The following ARHGAP28 variants were observed in gnomAD, a reference collection of about 807,000 sequenced individuals.
ARHGAP28 encodes rho GTPase-activating protein 28.
A neutral mutation model predicts 90.7 loss-of-function variants in ARHGAP28; 56 were observed. The observed-to-expected ratio is 0.62, with a 90% CI of 0.50 to 0.77. ARHGAP28 has a LOEUF of 0.77. Ranked by LOEUF, ARHGAP28 falls within the 30% of genes least tolerant of loss-of-function variation. The probability of loss-of-function intolerance (pLI) is 0.00; values close to 1 mark genes in which losing one functional copy is unlikely to be tolerated. For synonymous variants in ARHGAP28, 308 were observed against 323.3 expected, an observed-to-expected ratio of 0.95 and a Z score of 0.51; for missense variants, 869 against 900.9, an observed-to-expected ratio of 0.96 and a Z score of 0.45.
intron 1 of ARHGAP28, among the ~76,000 whole-genome samples, chr18:6,770,276 T>G (rs1435950432): frequency 1.3e-5 from 2 of 152,312 alleles, no homozygotes; most frequent in African/African-American, 4.8e-5. Context: ...CAAATAAGGA[T>G]AGAAATAGCA....
intron 4 of ARHGAP28, among the ~76,000 whole-genome samples, chr18:6,851,496 T>A (rs773553824): frequency 8.5e-5 from 13 of 152,202 alleles, no homozygotes; most frequent in Non-Finnish European, 1.3e-4. Flanking sequence ...ATGTAAAATG[T>A]TTTATCCACT....
At chr18:6,847,380 G>C (rs923722249) in intron 3 of ARHGAP28, among the ~76,000 whole-genome samples, 2 of 151,954 alleles carry the variant, frequency 1.3e-5, no homozygotes, top group African/African-American at 4.8e-5. Flanking sequence ...CCAAACTAGA[G>C]GAAAAATATA....
intron 1 of ARHGAP28, among the ~76,000 whole-genome samples, chr18:6,806,689 G>A (rs1007506630): frequency 2.6e-5 from 4 of 151,716 alleles, no homozygotes; most frequent in African/African-American, 9.7e-5. Flanking sequence ...ATTTAACCTT[G>A]AACTTACTGT....
intron 1 of ARHGAP28, among the ~76,000 whole-genome samples, chr18:6,802,551 G>T (rs1410674154): frequency 6.6e-6 from 1 of 151,670 alleles, no homozygotes; most frequent in Non-Finnish European, 1.5e-5. Context: ...TCACCACATT[G>T]GCCAGGCTGG....
intron 2 of ARHGAP28, among the ~76,000 whole-genome samples, chr18:6,835,649 C>T (rs2056747545): frequency 6.6e-6 from 1 of 152,068 alleles, no homozygotes. Flanking sequence ...TAGCATAGTT[C>T]CCAGAAACAT....
intron 4 of ARHGAP28, among the ~76,000 whole-genome samples, chr18:6,854,922 G>A (rs373473944): frequency 7.9e-5 from 12 of 152,336 alleles, no homozygotes; most frequent in South Asian, 2.1e-4. Flanking sequence ...CAGCCCGGGC[G>A]CTGTTGCAAC....
intron 1 of ARHGAP28, among the ~76,000 whole-genome samples, chr18:6,738,200 A>G (rs777330346): frequency 1.3e-5 from 2 of 152,218 alleles, no homozygotes; most frequent in Non-Finnish European, 2.9e-5. Context: ...TTTAGCAATT[A>G]TAAGTTTGGG....
In ARHGAP28 at chr18:6,890,008, T is replaced by A; in HGVS notation, c.1657T>A (p.Tyr553Asn). 6.2e-7 allele frequency: 1 copy of A among 1,614,166 alleles called. No homozygotes were observed. Among genetic ancestry groups the A allele is most frequent in the Non-Finnish European group, 8.5e-7 (1 of 1,180,012 alleles). ...CTTCAGTAGAAGCAAACACTCTGAT[T>A]ATGAAGAATTACTGTTAGCAAACAC... Reference protein sequence around the residue: ...LFFSRSKHSDYEELLLANTAA... With the variant: ...LFFSRSKHSDNEELLLANTAA... The change falls in exon 13 of 18, where the codon TAT (tyrosine) becomes AAT (asparagine). Residue 553 changes from tyrosine (Y) to asparagine (N), a missense_variant. Coordinates refer to ENST00000383472, the MANE Select transcript of ARHGAP28 (RefSeq NM_001366230.1).
chr18:6,758,576 G>T (rs1405207389), intron 1 of ARHGAP28, among the ~76,000 whole-genome samples: 1 of 152,194 alleles, frequency 6.6e-6, no homozygotes, highest in East Asian at 1.9e-4. Flanking sequence ...CGCCCACCTC[G>T]GCTTCCCAAA....
At chr18:6,883,905 C>G (rs544805328) in intron 11 of ARHGAP28, among the ~76,000 whole-genome samples, 17 of 152,116 alleles carry the variant, frequency 1.1e-4, no homozygotes, top group African/African-American at 3.9e-4. Context: ...GAGAGAAGAG[C>G]TACTAATTTC....
At chr18:6,879,519 G>A (rs2057160430) in intron 10 of ARHGAP28, among the ~76,000 whole-genome samples, 2 of 152,138 alleles carry the variant, frequency 1.3e-5, no homozygotes, top group African/African-American at 4.8e-5. Context: ...ACTCATACCC[G>A]GCTGACATGG....
At chr18:6,734,650 G>A (rs890342740) in intron 1 of ARHGAP28, among the ~76,000 whole-genome samples, 3 of 152,074 alleles carry the variant, frequency 2.0e-5, no homozygotes, top group Non-Finnish European at 4.4e-5. Context: ...TAGATTTATT[G>A]GTACTTTCCT....
intron 1 of ARHGAP28, among the ~76,000 whole-genome samples, chr18:6,741,191 T>G (rs537073763): frequency 6.6e-6 from 1 of 152,132 alleles, no homozygotes; most frequent in Non-Finnish European, 1.5e-5. Context: ...CTCAACAGAG[T>G]AAGCAATTAA....
chr18:6,785,991 T>C (rs1284739571), intron 1 of ARHGAP28, among the ~76,000 whole-genome samples: 1 of 152,228 alleles, frequency 6.6e-6, no homozygotes, highest in Non-Finnish European at 1.5e-5. Flanking sequence ...TGTTTCTTCA[T>C]ATGGGTTGAC....
At chr18:6,893,795 T>C (rs1235539693) in intron 14 of ARHGAP28, among the ~76,000 whole-genome samples, 2 of 151,872 alleles carry the variant, frequency 1.3e-5, no homozygotes, top group African/African-American at 4.8e-5. Flanking sequence ...AGGTTATAAA[T>C]ACCATAAAAG....
chr18:6,908,738 C>G (rs1179289185), intron 16 of ARHGAP28, among the ~76,000 whole-genome samples: 1 of 152,174 alleles, frequency 6.6e-6, no homozygotes, highest in Non-Finnish European at 1.5e-5. Context: ...CTGCGGCTGC[C>G]CATCCTGGTG....
intron 1 of ARHGAP28, among the ~76,000 whole-genome samples, chr18:6,781,488 G>A (rs998230308): frequency 2.0e-5 from 3 of 152,148 alleles, no homozygotes; most frequent in Admixed American, 2.0e-4. Flanking sequence ...CACCCCTCAG[G>A]CTGTGCAGGG....
chr18:6,810,087 G>A (rs2056545938), intron 1 of ARHGAP28, among the ~76,000 whole-genome samples: 1 of 152,128 alleles, frequency 6.6e-6, no homozygotes. Flanking sequence ...CAAAATTTCA[G>A]CTGATTGTTG....
intron 12 of ARHGAP28, among the ~76,000 whole-genome samples, 196 bp from the exon 13 acceptor site, chr18:6,889,692 A>G (rs1469578): frequency 0.57 from 85,738 of 151,518 alleles, 24,280 homozygotes; most frequent in Middle Eastern, 0.63. Flanking sequence ...ACTTTCATGA[A>G]GCAGACAGTT....
Sources: allele counts gnomAD v4.1 joint callset (sites outside exome capture counted in the v4.1 genomes callset), GRCh38; gene constraint gnomAD v4.1.1; transcripts MANE v1.5; gene names NCBI Gene and HGNC (gene_info 2026-07-23, HGNC 2026-07-21).